ARFGEF3: variants seen among roughly 807,000 people sequenced by gnomAD.
The protein encoded by ARFGEF3 is ARFGEF family member 3, also known as brefeldin A-inhibited guanine nucleotide-exchange protein 3.
A neutral mutation model predicts 221.7 loss-of-function variants in ARFGEF3; 96 were observed. That is an observed-to-expected ratio of 0.43 (90% CI 0.37 to 0.51). The LOEUF (loss-of-function observed/expected upper bound fraction) is 0.51. ARFGEF3 is among the 20% of genes least tolerant of loss of function. The pLI is 0.00. For missense variants in ARFGEF3, 2,410 were observed against 2,789.9 expected (o/e 0.86, Z 3.07); for synonymous variants, 1,145 against 1,126.8 (o/e 1.02, Z -0.32).
At chr6:138,290,399 A>G (rs1172645703) in intron 18 of ARFGEF3, among the ~76,000 whole-genome samples, 1 of 152,252 alleles carries the variant, frequency 6.6e-6, no homozygotes, top group Non-Finnish European at 1.5e-5. Context: ...ATAAAATACA[A>G]GATACCTACT....
At position 138,291,783 on chromosome 6, in the gene ARFGEF3, C is replaced by A; in HGVS notation, c.3098C>A (p.Ala1033Asp). ...GAGCACAACCACTTCAGCGATGGTG[C>A]CTCGCAGCCCCCTCTGACCATCAGC... Reference protein sequence around the residue: ...TLEHNHFSDGASQPPLTISQP... With the variant: ...TLEHNHFSDGDSQPPLTISQP... Residue 1033 changes from alanine to aspartate, a missense_variant, in exon 19 of 34, where the codon GCC becomes GAC. This residue lies in a region of ARFGEF3 where 184 missense variants were observed against 141.8 expected (regional missense o/e 1.30). Transcript: ENST00000251691. This position sits in a 1 kb window ranked among gnomAD's most constrained non-coding sequence, Gnocchi z 4.5. The A allele has an allele frequency of 6.8e-7, 1 of 1,460,772 alleles. No homozygotes were observed. The highest frequency in any genetic ancestry group is 2.5e-5 in the Admixed American group (1 of 39,990). 90.5% of individuals were successfully genotyped at this position (1,460,772 alleles called of 1,614,324 possible). A position where few individuals can be genotyped will look rare whatever the true frequency, so the allele number is the denominator to read the frequency against.
intron 2 of ARFGEF3, among the ~76,000 whole-genome samples, chr6:138,203,388 T>G (rs1562352012): frequency 6.6e-6 from 1 of 152,164 alleles, no homozygotes; most frequent in Non-Finnish European, 1.5e-5. Flanking sequence ...GCAAGAAGGT[T>G]GTAGTGAAAG....
intron 8 of ARFGEF3, among the ~76,000 whole-genome samples, chr6:138,249,496 A>AT (rs1192828445): frequency 1.3e-5 from 2 of 151,902 alleles, no homozygotes; most frequent in East Asian, 3.9e-4. Context: ...CACCCAGCTA[A>AT]TTTTTTATAT....
At chr6:138,320,871 T>G (rs945120475) in intron 28 of ARFGEF3, among the ~76,000 whole-genome samples, 1 of 152,222 alleles carries the variant, frequency 6.6e-6, no homozygotes, top group Non-Finnish European at 1.5e-5. Flanking sequence ...TTCATTTTTA[T>G]TTCTGTAGAA....
chr6:138,170,734 A>C, intron 2 of ARFGEF3, 21 bp downstream of exon 2: 1 of 1,434,140 alleles, frequency 7.0e-7, no homozygotes, highest in Non-Finnish European at 9.8e-7. Flanking sequence ...GACATTGTAT[A>C]ATATCACAGA....
intron 4 of ARFGEF3, chr6:138,217,765 T>A (rs1218510671): frequency 5.1e-6 from 3 of 588,096 alleles, no homozygotes; most frequent in Non-Finnish European, 7.8e-6. Context: ...CAAACTAAAT[T>A]GAGATAATAG....
intron 10 of ARFGEF3, among the ~76,000 whole-genome samples, chr6:138,261,100 A>G (rs1218316533): frequency 1.3e-5 from 2 of 152,188 alleles, no homozygotes; most frequent in African/African-American, 4.8e-5. Context: ...CCAATCTTCC[A>G]TGAACTTTTT....
In ARFGEF3 at chr6:138,161,983, G is replaced by A. The variant is rs1259257546; in HGVS notation, c.-104G>A. 1 of 511,824 alleles carries A rather than the reference G, an allele frequency of 2.0e-6. No homozygotes were observed. The highest frequency in any genetic ancestry group is 2.9e-6 in the Non-Finnish European group (1 of 347,682). The allele number at this position is 511,824 out of a possible 1,614,324, so 31.7% of individuals were successfully genotyped here. A position where few individuals can be genotyped will look rare whatever the true frequency, so the allele number is the denominator to read the frequency against. ...GCCGGGGCGGCATGGGGGCGCGCGC[G>A]GCGGCCGCCTAGGCGCCCAGGGCCA... On this transcript the variant is annotated 5_prime_UTR_variant, in exon 1 of 34. Transcript: ENST00000251691.
intron 2 of ARFGEF3, among the ~76,000 whole-genome samples, chr6:138,187,748 C>T (rs1777214587): frequency 6.6e-6 from 1 of 152,226 alleles, no homozygotes; most frequent in Non-Finnish European, 1.5e-5. Context: ...CAGAGAGTGC[C>T]TTGGTGCTTT....
At chr6:138,222,908 A>G (rs1778007035) in intron 4 of ARFGEF3, among the ~76,000 whole-genome samples, 1 of 151,708 alleles carries the variant, frequency 6.6e-6, no homozygotes, top group Non-Finnish European at 1.5e-5. Context: ...CTATTATACC[A>G]CTCTGTGACA....
chr6:138,243,954 A>C (rs1330443983), intron 7 of ARFGEF3, among the ~76,000 whole-genome samples: 1 of 152,110 alleles, frequency 6.6e-6, no homozygotes, highest in Non-Finnish European at 1.5e-5. Context: ...AAGATGTTCC[A>C]TCTTCCTTTC....
intron 19 of ARFGEF3, 69 bp downstream of exon 19, chr6:138,292,122 C>T: frequency 7.7e-7 from 1 of 1,298,168 alleles, no homozygotes; most frequent in Non-Finnish European, 1.0e-6. Context: ...CATCTGGTTT[C>T]AGTCATGCCA....
At chr6:138,288,819 C>A (rs1779345624) in intron 17 of ARFGEF3, among the ~76,000 whole-genome samples, 1 of 152,230 alleles carries the variant, frequency 6.6e-6, no homozygotes, top group African/African-American at 2.4e-5. Flanking sequence ...TCTGGACCAT[C>A]ACTTAGTTAT....
rs1414984345 is a variant in ARFGEF3 at position 138,313,812 on chromosome 6, C to T, written c.4218C>T (p.Tyr1406=). Residue 1406 remains tyrosine, a synonymous_variant, in exon 26 of 34, where the codon TAC becomes TAT. Coordinates refer to ENST00000251691, the MANE Select transcript of ARFGEF3 (RefSeq NM_020340.5). ...TAATTTAGTTATTGGCCAAAATCTA[C>T]AAAATGCCCTTGAAGCCAATATTCC... ...RRCSQLLAKI[Y]KMPLKPIFLS... The T allele has an allele frequency of 6.2e-7, 1 of 1,613,736 alleles. No individual in the cohort carries two copies. Among genetic ancestry groups the T allele is most frequent in the South Asian group, 1.1e-5 (1 of 91,002 alleles).
intron 1 of ARFGEF3, among the ~76,000 whole-genome samples, chr6:138,164,719 T>G (rs572308027): frequency 6.6e-6 from 1 of 152,370 alleles, no homozygotes; most frequent in East Asian, 1.9e-4. Context: ...AATTAGACAC[T>G]GTTTCAGGGA....
rs889129110 is a variant in ARFGEF3, at chr6:138,343,305, T to C, written c.*6819T>C. ...AAAGACTTCTGCTTAATAAATATGC[T>C]GACTTCATTTAAATTAGTTTAGACT... On this transcript the variant is annotated 3_prime_UTR_variant, in exon 34 of 34. Coordinates refer to ENST00000251691, the MANE Select transcript of ARFGEF3 (RefSeq NM_020340.5). The C allele has an allele frequency of 6.6e-6, 1 of 152,228 alleles. No homozygotes were observed. Among genetic ancestry groups the C allele is most frequent in the Non-Finnish European group, 1.5e-5 (1 of 68,042 alleles). 9.4% of individuals were successfully genotyped at this position (152,228 alleles called of 1,614,324 possible).
intron 12 of ARFGEF3, among the ~76,000 whole-genome samples, chr6:138,269,931 T>G (rs1221552735): frequency 6.6e-6 from 1 of 152,210 alleles, no homozygotes; most frequent in South Asian, 2.1e-4. Flanking sequence ...CAGGTGCTCC[T>G]GTCTTTCTGC....
intron 10 of ARFGEF3, among the ~76,000 whole-genome samples, chr6:138,257,977 T>A (rs1269964682): frequency 1.3e-5 from 2 of 152,232 alleles, no homozygotes; most frequent in African/African-American, 4.8e-5. Flanking sequence ...TGAAAATAGC[T>A]GGTTCAATTC....
chr6:138,335,129 T>C lies in ARFGEF3; in HGVS notation c.6283T>C (p.Ser2095Pro), dbSNP rs751307886. ...GCTGCGACAGGACAAGAGGCCCCGC[T>C]CAGGCTCCACCGGGAGCTCCCTCAG... ...ELLRQDKRPR[S>P]GSTGSSLSVS... The change falls in exon 33 of 34, where the codon TCA becomes CCA. Residue 2095 changes from serine to proline, a missense_variant. Ser to Pro is a moderately conservative substitution (Grantham distance 74, BLOSUM62 -1). Around this residue, in one of 5 missense-constraint regions of ARFGEF3, gnomAD observed 339 missense variants for 334.9 expected, o/e 1.01. Coordinates refer to ENST00000251691, the MANE Select transcript of ARFGEF3 (RefSeq NM_020340.5). 1 of 1,590,316 alleles carries C rather than the reference T, an allele frequency of 6.3e-7. No homozygotes were observed. The highest frequency in any genetic ancestry group is 1.1e-5 in the South Asian group (1 of 87,956).
Sources: allele counts gnomAD v4.1 joint callset (sites outside exome capture counted in the v4.1 genomes callset), GRCh38; gene constraint gnomAD v4.1.1; regional missense constraint gnomAD v4.1.1; non-coding constraint Gnocchi (gnomAD v3.1); transcripts MANE v1.5; gene names NCBI Gene and HGNC (gene_info 2026-07-23, HGNC 2026-07-21).